Variants in APP observed in about 807,000 individuals in gnomAD.
APP encodes amyloid-beta precursor protein.
Under a neutral mutation model 101.4 loss-of-function variants are expected in APP, and 31 were observed. The observed-to-expected ratio is 0.31, with a 90% confidence interval of 0.23 to 0.41. APP has a LOEUF of 0.41. Ranked by LOEUF, APP falls within the 10% of genes least tolerant of loss-of-function variation. The pLI, the probability that APP is intolerant of heterozygous loss-of-function variation, is 1.00. For synonymous variants in APP, 366 were observed against 364.4 expected (o/e 1.00, Z -0.05); for missense variants, 839 against 1,003.7 (o/e 0.84, Z 2.22).
At chr21:26,111,426 A>G (rs1383371071) in intron 2 of APP, among the ~76,000 whole-genome samples, 3 of 152,110 alleles carry the variant, frequency 2.0e-5, no homozygotes, top group Non-Finnish European at 2.9e-5. Context: ...CCGTGGTGAG[A>G]TATATACTGA....
At chr21:26,106,039 T>G (rs1180950414) in intron 2 of APP, among the ~76,000 whole-genome samples, 1 of 152,132 alleles carries the variant, frequency 6.6e-6, no homozygotes, top group East Asian at 1.9e-4. Context: ...GACGTGTAAC[T>G]CAAAGCAGTG....
intron 8 of APP, among the ~76,000 whole-genome samples, chr21:25,990,578 G>A (rs775627507): frequency 4.6e-5 from 7 of 152,170 alleles, no homozygotes; most frequent in Non-Finnish European, 8.8e-5. Context: ...CTCAATAGAT[G>A]AGTTCGAAAA....
chr21:26,159,334 C>T (rs958403390), intron 1 of APP, among the ~76,000 whole-genome samples: 1 of 152,188 alleles, frequency 6.6e-6, no homozygotes, highest in African/African-American at 2.4e-5. Flanking sequence ...CCGCCTTGGC[C>T]TCCCAAAGTG....
intron 15 of APP, among the ~76,000 whole-genome samples, chr21:25,898,699 T>C (rs1352456279): frequency 6.6e-6 from 1 of 152,196 alleles, no homozygotes; most frequent in African/African-American, 2.4e-5. Context: ...TGAGCCTGAT[T>C]CAACACAGAG....
At chr21:25,997,534 G>A (rs926731477) in intron 7 of APP, 118 bp from the exon 8 acceptor site, 1 of 891,228 alleles carries the variant, frequency 1.1e-6, no homozygotes, top group Non-Finnish European at 1.8e-6. Flanking sequence ...ACTCACTTAG[G>A]TTTGGTCCCT....
At chr21:25,993,003 T>C (rs981548983) in intron 8 of APP, among the ~76,000 whole-genome samples, 1 of 152,238 alleles carries the variant, frequency 6.6e-6, no homozygotes, top group Non-Finnish European at 1.5e-5. Context: ...TTCTGTCTTA[T>C]GGCTCCTGTC....
chr21:26,080,434 A>G (rs924813888), intron 3 of APP, among the ~76,000 whole-genome samples: 2 of 151,434 alleles, frequency 1.3e-5, no homozygotes, highest in African/African-American at 4.9e-5. Flanking sequence ...CTTTCTGCTC[A>G]TTTTTTTTAC....
At chr21:25,931,805 T>TG (rs1280846660) in intron 13 of APP, among the ~76,000 whole-genome samples, 3 of 152,206 alleles carry the variant, frequency 2.0e-5, no homozygotes, top group Non-Finnish European at 4.4e-5. Flanking sequence ...CATGTTGAGT[T>TG]GCAATCTTTC....
At chr21:26,152,209 C>T (rs1235117169) in intron 1 of APP, among the ~76,000 whole-genome samples, 3 of 136,756 alleles carry the variant, frequency 2.2e-5, no homozygotes, top group Non-Finnish European at 3.0e-5. Context: ...GGCGTGAACC[C>T]GGGAGGCGGA....
Position 26,134,995 on chromosome 21 carries a change from T to A in APP, c.58-22849A>T, listed in dbSNP as rs115583165. 5.2e-3 allele frequency among the ~76,000 whole-genome samples: 792 copies of A among 152,336 alleles called. 6 individuals are homozygous for A. Among genetic ancestry groups the A allele is most frequent in the African/African-American group, 0.017 (723 of 41,580 alleles). On this transcript the variant is annotated intron_variant, in intron 1 of 17. Transcript: ENST00000346798. ...AAAATAAACTTCTCACCACTCCACT[T>A]GTCATTTAAAATCATCCAACATTTT... is the stretch of plus-strand genomic sequence containing the variant.
intron 6 of APP, among the ~76,000 whole-genome samples, chr21:26,002,113 A>T (rs190653989): frequency 4.5e-4 from 69 of 152,340 alleles, no homozygotes; most frequent in Middle Eastern, 3.4e-3. Flanking sequence ...GATGGCCTTA[A>T]TGATGGATGA....
chr21:26,152,145 C>T (rs1263941240), intron 1 of APP, among the ~76,000 whole-genome samples: 17 of 151,670 alleles, frequency 1.1e-4, no homozygotes, highest in Admixed American at 5.9e-4. Flanking sequence ...ATTAGCCGGG[C>T]GTGGTGGCGG....
At chr21:26,152,934 T>C (rs138685724) in intron 1 of APP, among the ~76,000 whole-genome samples, 42 of 152,340 alleles carry the variant, frequency 2.8e-4, no homozygotes, top group Middle Eastern at 3.4e-3. Flanking sequence ...AGATGTGGCA[T>C]ATATATATCA....
chr21:26,050,039 C>T (rs1038536394), intron 5 of APP, among the ~76,000 whole-genome samples: 3 of 152,092 alleles, frequency 2.0e-5, no homozygotes, highest in Non-Finnish European at 2.9e-5. Context: ...AACCATATGA[C>T]CCAGTTTGCC....
intron 2 of APP, among the ~76,000 whole-genome samples, chr21:26,105,126 C>T (rs934502647): frequency 1.3e-5 from 2 of 149,414 alleles, no homozygotes; most frequent in African/African-American, 2.5e-5. Flanking sequence ...ACCAGAATAC[C>T]GTGAATTTTC....
intron 2 of APP, among the ~76,000 whole-genome samples, chr21:26,097,916 T>C (rs2061981352): frequency 6.6e-6 from 1 of 151,352 alleles, no homozygotes; most frequent in Admixed American, 6.6e-5. Context: ...CCGTCTCTAC[T>C]AAAAAATACA....
At chr21:26,102,014 T>C (rs1014449142) in intron 2 of APP, among the ~76,000 whole-genome samples, 1 of 151,738 alleles carries the variant, frequency 6.6e-6, no homozygotes, top group African/African-American at 2.4e-5. Context: ...TCTTGAGATG[T>C]AGAATTGAAG....
In APP at chr21:25,891,738, T is replaced by C; in HGVS notation, c.2195A>G (p.His732Arg). The change falls in exon 17 of 18, where the codon CAT (histidine) becomes CGT (arginine). Residue 732 changes from histidine to arginine, a missense_variant. Physicochemically the swap from His to Arg is conservative, Grantham distance 29 (BLOSUM62 0). Transcript: ENST00000346798. The part of the protein sequence containing the change: ...MLKKKQYTSI[H>R]HGVVEVDAAV... ...TTTACCTACCTCCACCACACCATGA[T>C]GAATGGATGTGTACTGTTTCTTCTT... The C allele has an allele frequency of 6.2e-7, 1 of 1,614,166 alleles. No homozygotes were observed. The highest frequency in any genetic ancestry group is 1.3e-5 in the African/African-American group (1 of 75,056).
chr21:26,147,870 C>CA (rs2063185674), intron 1 of APP, among the ~76,000 whole-genome samples: 1 of 151,908 alleles, frequency 6.6e-6, no homozygotes, highest in African/African-American at 2.4e-5. Context: ...CCAACCCCCC[C>CA]AAAAAAACCT....
Sources: allele counts gnomAD v4.1 joint callset (sites outside exome capture counted in the v4.1 genomes callset), GRCh38; gene constraint gnomAD v4.1.1; transcripts MANE v1.5; gene names NCBI Gene and HGNC (gene_info 2026-07-23, HGNC 2026-07-21).